MED13L: variants seen among roughly 807,000 people sequenced by gnomAD.
MED13L encodes mediator complex subunit 13L.
In MED13L, 7 loss-of-function variants were observed where a neutral mutation model predicts 220.9. That is an observed-to-expected ratio of 0.03 (90% confidence interval 0.02 to 0.06). MED13L has a LOEUF of 0.06. Among genes scored for constraint, MED13L ranks in the 10% least tolerant of loss-of-function variants. The pLI is 1.00. For missense variants in MED13L, 1,965 were observed against 2,760.5 expected, an observed-to-expected ratio of 0.71 and a Z score of 6.46; for synonymous variants, 1,011 against 1,015.2, an observed-to-expected ratio of 1.00 and a Z score of 0.08.
intron 1 of MED13L, among the ~76,000 whole-genome samples, chr12:116,258,567 A>T (rs556819192): frequency 6.6e-6 from 1 of 152,268 alleles, no homozygotes; most frequent in Non-Finnish European, 1.5e-5. Flanking sequence ...ACCTCAGGTC[A>T]GGAGTTCGAG....
At chr12:116,019,530 A>G in intron 6 of MED13L, 118 bp from the exon 7 acceptor site, 1 of 1,218,472 alleles carries the variant, frequency 8.2e-7, no homozygotes, top group South Asian at 1.3e-5. Context: ...CAAAAGTGAT[A>G]GGCTCCATTC....
chr12:115,981,056 G>A (rs1877294786), intron 22 of MED13L, 118 bp from the exon 23 acceptor site: 1 of 771,104 alleles, frequency 1.3e-6, no homozygotes, highest in African/African-American at 1.8e-5. Context: ...AATGGGGAGA[G>A]GTAACCTCAG....
intron 2 of MED13L, among the ~76,000 whole-genome samples, chr12:116,121,677 A>G (rs969911179): frequency 6.6e-6 from 1 of 152,130 alleles, no homozygotes; most frequent in Non-Finnish European, 1.5e-5. Flanking sequence ...CTGAGCTATG[A>G]TACATATTTC....
At chr12:116,276,717 AAAAAAAGGG>A (rs1873877330) in intron 1 of MED13L, 1 of 972,360 alleles carries the variant, frequency 1.0e-6, no homozygotes, top group Non-Finnish European at 1.3e-6. Context: ...TTACGGGGGG[AAAAAAAGGG>A]GGGAAAGGGG....
At chr12:116,160,765 T>A (rs942276942) in intron 2 of MED13L, among the ~76,000 whole-genome samples, 5 of 150,870 alleles carry the variant, frequency 3.3e-5, no homozygotes, top group African/African-American at 1.2e-4. Context: ...TTATTTTTTT[T>A]TTTTTTGTAG....
At chr12:116,034,980 G>C (rs559618542) in intron 4 of MED13L, among the ~76,000 whole-genome samples, 160 of 152,132 alleles carry the variant, frequency 1.1e-3, no homozygotes, top group Non-Finnish European at 2.0e-3. Context: ...ACTCCAGCCT[G>C]AACGAAAAAG....
intron 1 of MED13L, among the ~76,000 whole-genome samples, chr12:116,244,850 G>A (rs1413954298): frequency 1.3e-5 from 2 of 152,174 alleles, no homozygotes; most frequent in East Asian, 1.9e-4. Flanking sequence ...TACTAGGGAC[G>A]CTAAAGTGAG....
At chr12:116,036,296 T>C (rs907426886) in intron 4 of MED13L, among the ~76,000 whole-genome samples, 4 of 152,168 alleles carry the variant, frequency 2.6e-5, no homozygotes, top group Non-Finnish European at 4.4e-5. Context: ...TAGGAGAAAA[T>C]AATATGTGTC....
intron 27 of MED13L, 107 bp downstream of exon 27, chr12:115,970,487 G>A (rs1010342567): frequency 2.2e-5 from 26 of 1,185,266 alleles, no homozygotes; most frequent in Admixed American, 3.7e-5. Context: ...TATAGTTCCT[G>A]GGTTGTTTAT....
At position 115,963,587 on chromosome 12, in the gene MED13L, A is replaced by G. The variant is rs931936647; in HGVS notation, c.6388-68T>C. On this transcript the variant is annotated intron_variant, in intron 29 of 30. Coordinates refer to ENST00000281928, the MANE Select transcript of MED13L (RefSeq NM_015335.5). ...TCACAGTGCAGAAGTGAGGGAGGCCATGTCTGCCAGAAGCAGATGCTCCCA... is the reference window on the plus strand; with the variant it reads ...TCACAGTGCAGAAGTGAGGGAGGCCGTGTCTGCCAGAAGCAGATGCTCCCA... The G allele has an allele frequency of 3.8e-5, 46 of 1,196,260 alleles. No individual in the cohort carries two copies. The Admixed American group carries it at 4.4e-4, about 11-fold the overall frequency. The allele number at this position is 1,196,260 out of a possible 1,614,324, so 74.1% of individuals were successfully genotyped here. A position where few individuals can be genotyped will look rare whatever the true frequency, so the allele number is the denominator to read the frequency against.
At chr12:116,238,283 T>C (rs1354383891) in intron 1 of MED13L, among the ~76,000 whole-genome samples, 2 of 152,216 alleles carry the variant, frequency 1.3e-5, no homozygotes, top group Non-Finnish European at 2.9e-5. Context: ...TTTTAACATG[T>C]AGCAAACAGA....
rs1483816780 is a variant in MED13L at position 116,093,864 on chromosome 12, AAACTT to A, written c.479+2800_479+2804del. Among the ~76,000 whole-genome samples the A allele has an allele frequency of 3.9e-5, 6 of 152,282 alleles. No individual in the cohort carries two copies. The East Asian group carries it at 1.2e-3, about 29-fold the overall frequency. ...CCAATGTACCAAAAAAGACACAACT[AAACTT>A]AAGAAAAATTAATTTAATTCATTTC... On this transcript the variant is annotated intron_variant, in intron 4 of 30. Transcript: ENST00000281928.
chr12:116,068,747 T>C (rs1870143665), intron 4 of MED13L, among the ~76,000 whole-genome samples: 1 of 152,010 alleles, frequency 6.6e-6, no homozygotes, highest in Non-Finnish European at 1.5e-5. Flanking sequence ...AGGACTCCAA[T>C]CTGTACTCTC....
At chr12:116,175,692 G>A (rs774580794) in intron 2 of MED13L, among the ~76,000 whole-genome samples, 3 of 152,044 alleles carry the variant, frequency 2.0e-5, no homozygotes, top group Non-Finnish European at 2.9e-5. Flanking sequence ...GGTATGAGAA[G>A]GAAACAGAGC....
intron 4 of MED13L, among the ~76,000 whole-genome samples, chr12:116,023,659 G>A (rs879373520): frequency 3.9e-5 from 6 of 151,962 alleles, no homozygotes; most frequent in Non-Finnish European, 7.4e-5. Context: ...ATTCTCCTTT[G>A]ACCAGTATGT....
intron 4 of MED13L, among the ~76,000 whole-genome samples, chr12:116,078,451 C>G (rs947185392): frequency 6.6e-6 from 1 of 152,022 alleles, no homozygotes; most frequent in Non-Finnish European, 1.5e-5. Context: ...CCTGGAAAGG[C>G]CTGAATTTAA....
At chr12:116,170,154 T>C (rs1879569003) in intron 2 of MED13L, among the ~76,000 whole-genome samples, 2 of 152,248 alleles carry the variant, frequency 1.3e-5, no homozygotes, top group Admixed American at 1.3e-4. Context: ...GCACAGATTC[T>C]GTATGTTGAC....
At chr12:116,140,832 A>G (rs144161903) in intron 2 of MED13L, among the ~76,000 whole-genome samples, 50 of 152,186 alleles carry the variant, frequency 3.3e-4, no homozygotes, top group African/African-American at 1.2e-3. Flanking sequence ...AGTCCATCCT[A>G]CTCTGTAGGA....
chr12:116,046,986 A>G (rs1381183402), intron 4 of MED13L, among the ~76,000 whole-genome samples: 1 of 152,146 alleles, frequency 6.6e-6, no homozygotes, highest in Admixed American at 6.5e-5. Flanking sequence ...AAAAGAAAAG[A>G]AAGAAAGAAA....
Sources: gnomAD v4.1 joint callset for allele counts (sites outside exome capture counted in the v4.1 genomes callset) on GRCh38, gnomAD v4.1.1 for gene constraint, MANE v1.5 for transcripts, NCBI Gene and HGNC (gene_info 2026-07-23, HGNC 2026-07-21) for gene names.